PIP4K2A: variants seen among roughly 807,000 people sequenced by gnomAD.
PIP4K2A encodes phosphatidylinositol 5-phosphate 4-kinase type-2 alpha.
In PIP4K2A, 14 loss-of-function variants were observed where a neutral mutation model predicts 42.9. The ratio of observed to expected loss-of-function variants is 0.33; its 90% CI spans 0.22 to 0.51. PIP4K2A has a LOEUF of 0.51. Among genes scored for constraint, PIP4K2A ranks in the 20% least tolerant of loss-of-function variants. The pLI is 0.97. For synonymous variants in PIP4K2A, 192 were observed against 192.2 expected, an observed-to-expected ratio of 1.00 and a Z score of 0.01; for missense variants, 434 against 519.8, an observed-to-expected ratio of 0.83 and a Z score of 1.61.
intron 1 of PIP4K2A, among the ~76,000 whole-genome samples, chr10:22,664,130 C>CATATATATACAT (rs1839282685): frequency 5.0e-5 from 2 of 40,216 alleles, no homozygotes; most frequent in Non-Finnish European, 7.9e-5. Context: ...TATATATATA[C>CATATATATACAT]ATATATATAT....
chr10:22,565,628 G>A (rs1836828030), intron 6 of PIP4K2A, among the ~76,000 whole-genome samples: 1 of 152,148 alleles, frequency 6.6e-6, no homozygotes, highest in African/African-American at 2.4e-5. Flanking sequence ...TACGAAATCT[G>A]GGCACCCTGA....
intron 4 of PIP4K2A, among the ~76,000 whole-genome samples, chr10:22,576,552 C>T (rs963845833): frequency 2.0e-5 from 3 of 152,152 alleles, no homozygotes; most frequent in Admixed American, 6.5e-5. Context: ...AAGAGCCCTC[C>T]CGGTCCAGCT....
Position 22,567,846 on chromosome 10 carries a change from C to T in PIP4K2A, c.678+5G>A. 6.2e-7 allele frequency: 1 copy of T among 1,612,302 alleles called. No individual in the cohort carries two copies. Among genetic ancestry groups the T allele is most frequent in the Non-Finnish European group, 8.5e-7 (1 of 1,178,292 alleles). ...ACATGGGGAGACATACAGCAAGGTA[C>T]TTACCTTTTCTTTGTCACTAGCTTC... On this transcript the variant is annotated splice_donor_5th_base_variant and intron_variant, in intron 6 of 9. Coordinates refer to ENST00000376573, the MANE Select transcript of PIP4K2A (RefSeq NM_005028.5).
At chr10:22,574,203 C>A (rs933126413) in intron 4 of PIP4K2A, among the ~76,000 whole-genome samples, 6 of 151,880 alleles carry the variant, frequency 4.0e-5, no homozygotes, top group Admixed American at 3.3e-4. Context: ...AAAACGGGTC[C>A]CTCTGCACTT....
rs142022113 is a variant in PIP4K2A at position 22,647,273 on chromosome 10, T to C, written c.145-37556A>G. ...CAGGGTAGGAGAATCAAATTCTAAG[T>C]CTCATCAGACAATTCAGTATCTAGT... On this transcript the variant is annotated intron_variant, in intron 1 of 9. Transcript: ENST00000376573. 1.7e-4 allele frequency among the ~76,000 whole-genome samples: 26 copies of C among 152,242 alleles called. No homozygotes were observed. In the East Asian group the frequency reaches 4.8e-3, roughly 28 times the overall value.
chr10:22,537,270 C>G lies in PIP4K2A; in HGVS notation c.1152G>C (p.Glu384Asp). The G allele has an allele frequency of 6.2e-7, 1 of 1,603,270 alleles. No individual in the cohort carries two copies. ...ACTGTTCTGGGTTCACGGTGGAGAT[C>G]TCCGCGCCAGCCTGGGCAGTTTTTA... ...AKTVKHGAGA[E>D]ISTVNPEQYS... is the part of the protein sequence containing the mutation. Residue 384 changes from glutamate to aspartate, a missense_variant, in exon 10 of 10, where the codon GAG (glutamate) becomes GAC (aspartate). Around this residue, in one of 2 missense-constraint regions of PIP4K2A, gnomAD observed 39 missense variants for 75.3 expected, o/e 0.52. Coordinates refer to ENST00000376573, the MANE Select transcript of PIP4K2A (RefSeq NM_005028.5).
intron 1 of PIP4K2A, among the ~76,000 whole-genome samples, chr10:22,664,319 C>T (rs1184998024): frequency 6.7e-6 from 1 of 148,234 alleles, no homozygotes; most frequent in African/African-American, 2.5e-5. Flanking sequence ...ATTACATTCT[C>T]ATCAGCAATG....
chr10:22,634,355 T>G (rs1296860527), intron 1 of PIP4K2A, among the ~76,000 whole-genome samples: 3 of 152,260 alleles, frequency 2.0e-5, no homozygotes, highest in Non-Finnish European at 2.9e-5. Context: ...GTACTTCTTG[T>G]TTATTTTCAA....
chr10:22,546,918 A>G (rs1264440049), intron 7 of PIP4K2A, among the ~76,000 whole-genome samples: 1 of 152,186 alleles, frequency 6.6e-6, no homozygotes, highest in Non-Finnish European at 1.5e-5. Context: ...TCAAAGTGTG[A>G]AGATTTTTCA....
intron 4 of PIP4K2A, 62 bp downstream of exon 4, chr10:22,591,567 G>T: frequency 7.8e-7 from 1 of 1,277,206 alleles, no homozygotes; most frequent in Non-Finnish European, 1.1e-6. Context: ...TCTGGCCTTG[G>T]TGAGAAATCG....
At chr10:22,638,465 T>G (rs1838712632) in intron 1 of PIP4K2A, among the ~76,000 whole-genome samples, 1 of 152,198 alleles carries the variant, frequency 6.6e-6, no homozygotes, top group Admixed American at 6.5e-5. Flanking sequence ...AATTATTATT[T>G]AAGTATGTCT....
At chr10:22,567,725 C>CA (rs1213983467) in intron 6 of PIP4K2A, 126 bp downstream of exon 6, 1 of 828,816 alleles carries the variant, frequency 1.2e-6, no homozygotes, top group Non-Finnish European at 2.2e-6. Context: ...TCGCTGGTGG[C>CA]AGCAGAATGG....
intron 6 of PIP4K2A, among the ~76,000 whole-genome samples, chr10:22,557,726 G>C (rs530794091): frequency 2.8e-4 from 42 of 152,224 alleles, no homozygotes; most frequent in African/African-American, 1.0e-3. Context: ...AAATATCATT[G>C]GATTTTTAAT....
rs188543320 is a variant in PIP4K2A, at chr10:22,584,277, A to C, written c.492+7352T>G. Reference sequence around the variant, plus strand: ...GGAATGAACGGTCAGATTTTGAAAAATCTTCTGGAAAACTTCTAGAATAAA... The same window carrying C: ...GGAATGAACGGTCAGATTTTGAAAACTCTTCTGGAAAACTTCTAGAATAAA... On this transcript the variant is annotated intron_variant, in intron 4 of 9. Transcript: ENST00000376573. Among the ~76,000 whole-genome samples, 993 of 151,926 alleles carry C rather than the reference A, an allele frequency of 6.5e-3. 5 individuals are homozygous for C. Among genetic ancestry groups the C allele is most frequent in the Non-Finnish European group, 0.01 (706 of 68,000 alleles).
At chr10:22,547,788 TCA>T (rs1836293641) in intron 7 of PIP4K2A, among the ~76,000 whole-genome samples, 1 of 152,160 alleles carries the variant, frequency 6.6e-6, no homozygotes, top group Non-Finnish European at 1.5e-5. Context: ...CTGTCACTCC[TCA>T]TACACCGATC....
intron 1 of PIP4K2A, among the ~76,000 whole-genome samples, chr10:22,643,751 G>T (rs377587219): frequency 1.2e-4 from 19 of 152,084 alleles, no homozygotes; most frequent in South Asian, 4.2e-4. Flanking sequence ...TTCTGCGCAG[G>T]AACCACAGAA....
At chr10:22,708,232 C>T (rs1016828309) in intron 1 of PIP4K2A, among the ~76,000 whole-genome samples, 4 of 152,198 alleles carry the variant, frequency 2.6e-5, no homozygotes, top group African/African-American at 4.8e-5. Flanking sequence ...CACAGCCACC[C>T]GCAATCAACC....
At chr10:22,600,737 C>T (rs1273116012) in intron 3 of PIP4K2A, among the ~76,000 whole-genome samples, 4 of 152,082 alleles carry the variant, frequency 2.6e-5, no homozygotes, top group African/African-American at 4.8e-5. Flanking sequence ...CATATCTGAG[C>T]GAGCACAGAT....
At chr10:22,591,934 C>T (rs976355928) in intron 3 of PIP4K2A, among the ~76,000 whole-genome samples, 153 bp from the exon 4 acceptor site, 1 of 152,352 alleles carries the variant, frequency 6.6e-6, no homozygotes, top group African/African-American at 2.4e-5. Flanking sequence ...AACATTTTTA[C>T]ATGCATCATA....
Sources: allele counts gnomAD v4.1 joint callset (sites outside exome capture counted in the v4.1 genomes callset), GRCh38; gene constraint gnomAD v4.1.1; regional missense constraint gnomAD v4.1.1; transcripts MANE v1.5; gene names NCBI Gene and HGNC (gene_info 2026-07-23, HGNC 2026-07-21).